The following PSMG4 variants were observed in gnomAD, a reference collection of about 807,000 sequenced individuals.
The protein encoded by PSMG4 is proteasome assembly chaperone 4, also known as proteasome (prosome, macropain) assembly chaperone 4.
Under a neutral mutation model 11.0 loss-of-function variants are expected in PSMG4, and 10 were observed. The observed-to-expected ratio is 0.91, with a 90% CI of 0.56 to 1.54. PSMG4 has a LOEUF of 1.54. Among genes scored for constraint, PSMG4 ranks in the 40% most tolerant of loss-of-function variants. The pLI is 0.00. For synonymous variants in PSMG4, 95 were observed against 71.3 expected, an observed-to-expected ratio of 1.33 and a Z score of -1.68; for missense variants, 198 against 160.9, an observed-to-expected ratio of 1.23 and a Z score of -1.25.
upstream of PSMG4, chr6:3,258,941 G>C (rs1757854698): frequency 1.7e-6 from 2 of 1,202,628 alleles, no homozygotes; most frequent in Admixed American, 8.5e-5. Flanking sequence ...CGGTCTCTCG[G>C]TGCTCGCTCC....
At chr6:3,263,591 A>G in intron 1 of PSMG4, 93 bp from the exon 2 acceptor site, 1 of 1,109,608 alleles carries the variant, frequency 9.0e-7, no homozygotes, top group Non-Finnish European at 1.2e-6. Flanking sequence ...TGCCACTGCC[A>G]TCGTCGTGAA....
chr6:3,260,283 A>AT (rs1561840875), intron 1 of PSMG4, among the ~76,000 whole-genome samples: 29 of 30,214 alleles, frequency 9.6e-4, no homozygotes, highest in South Asian at 6.0e-3. Flanking sequence ...AATTGTATAT[A>AT]TATATATATT....
rs1758089796 is a variant in PSMG4 at position 3,263,964 on chromosome 6, C to G, written c.250+205C>G. ...GCCTGTCATCACCACCGTCCCAGGGCTGGCCTGTTCCCAAAGGACTCCCAC... is the reference window on the plus strand; with the variant it reads ...GCCTGTCATCACCACCGTCCCAGGGGTGGCCTGTTCCCAAAGGACTCCCAC... On this transcript the variant is annotated intron_variant, in intron 2 of 2. Transcript: ENST00000438998. 3 of 1,358,786 alleles carry G rather than the reference C, an allele frequency of 2.2e-6. No individual in the cohort carries two copies. The Admixed American group carries it at 8.5e-5, about 38-fold the overall frequency. 84.2% of individuals were successfully genotyped at this position (1,358,786 alleles called of 1,614,324 possible).
intron 1 of PSMG4, among the ~76,000 whole-genome samples, chr6:3,261,110 A>T (rs936995718): frequency 6.6e-6 from 1 of 152,206 alleles, no homozygotes; most frequent in African/African-American, 2.4e-5. Context: ...TGAGGCAGTG[A>T]TGACTGAGGG....
rs551524367 is a variant in PSMG4 at position 3,264,594 on chromosome 6, C to T, written c.250+835C>T. 23 of 422,710 alleles carry T rather than the reference C, an allele frequency of 5.4e-5. No individual in the cohort carries two copies. The African/African-American group carries it at 6.7e-4, about 12-fold the overall frequency. 26.2% of individuals were successfully genotyped at this position (422,710 alleles called of 1,614,324 possible). A position where few individuals can be genotyped will look rare whatever the true frequency, so the allele number is the denominator to read the frequency against. ...TGGAGTGTCACCAGCAGGCCCATGA[C>T]AGTATGTGGATAGGACAGAGGTCAG... On this transcript the variant is annotated intron_variant, in intron 2 of 2. Coordinates refer to ENST00000438998, the MANE Select transcript of PSMG4 (RefSeq NM_001128591.2).
chr6:3,258,911 G>C, upstream of PSMG4: 2 of 1,084,282 alleles, frequency 1.8e-6, no homozygotes, highest in Non-Finnish European at 2.3e-6. Context: ...CCCTTCCGGG[G>C]CCGAAAGCGA....
chr6:3,259,228 C>CTGGGCG (rs1247035487), intron 1 of PSMG4, 32 bp downstream of exon 1: 7 of 1,101,792 alleles, frequency 6.4e-6, no homozygotes, highest in Non-Finnish European at 7.9e-6. Flanking sequence ...GTGCGGGCGG[C>CTGGGCG]GGGGCGGGGG....
chr6:3,255,567 C>T (rs1192897257), upstream of PSMG4, among the ~76,000 whole-genome samples: 2 of 152,182 alleles, frequency 1.3e-5, no homozygotes, highest in Admixed American at 6.5e-5. Context: ...GTTCTGTTTA[C>T]ATGAGATGGT....
chr6:3,267,291 T>C, intron 2 of PSMG4: 1 of 249,630 alleles, frequency 4.0e-6, no homozygotes. Flanking sequence ...AAATCCTGGC[T>C]TTCTGGGTCA....
intron 1 of PSMG4, among the ~76,000 whole-genome samples, chr6:3,259,705 A>AG (rs1561840437): frequency 6.6e-6 from 1 of 152,026 alleles, no homozygotes; most frequent in Admixed American, 6.6e-5. Context: ...GTTGTCTTTG[A>AG]TTCCTCTTTC....
intron 1 of PSMG4, among the ~76,000 whole-genome samples, chr6:3,259,756 T>C (rs1290675845): frequency 6.6e-6 from 1 of 152,098 alleles, no homozygotes; most frequent in Non-Finnish European, 1.5e-5. Flanking sequence ...CTGCCGCCAG[T>C]CAAAGCAGAC....
At chr6:3,255,069 T>TA (rs1757708140), upstream of PSMG4, 2 of 1,550,880 alleles carry the variant, frequency 1.3e-6, no homozygotes, top group Non-Finnish European at 8.7e-7. Flanking sequence ...ACACTTGGAA[T>TA]ATGCTTCTAT....
At chr6:3,266,544 C>G (rs1016241749) in intron 2 of PSMG4, 7 of 152,194 alleles carry the variant, frequency 4.6e-5, no homozygotes, top group African/African-American at 1.7e-4. Context: ...CAGGCAACAT[C>G]CAACTGCTTT....
At chr6:3,257,547 C>G (rs1333623532), upstream of PSMG4, among the ~76,000 whole-genome samples, 3 of 152,116 alleles carry the variant, frequency 2.0e-5, no homozygotes, top group Non-Finnish European at 4.4e-5. Context: ...TGTAGCCATA[C>G]AATGGAACAC....
chr6:3,264,932 T>C (rs1758125778), intron 2 of PSMG4: 1 of 152,326 alleles, frequency 6.6e-6, no homozygotes, highest in Non-Finnish European at 1.5e-5. Context: ...GGTTACTGCG[T>C]GTGGGAGAAG....
At chr6:3,255,250 G>T (rs1757719705), upstream of PSMG4, 9 of 1,548,100 alleles carry the variant, frequency 5.8e-6, no homozygotes, top group Non-Finnish European at 7.9e-6. Flanking sequence ...CATGCTGTTG[G>T]GTTCTGTGTT....
chr6:3,259,422 C>A (rs1472707079), intron 1 of PSMG4, among the ~76,000 whole-genome samples: 3 of 152,268 alleles, frequency 2.0e-5, no homozygotes, highest in Non-Finnish European at 4.4e-5. Context: ...CGCCCCGCAG[C>A]TGCGTCCCGC....
upstream of PSMG4, among the ~76,000 whole-genome samples, chr6:3,256,970 C>T (rs763488954): frequency 2.6e-5 from 4 of 151,822 alleles, no homozygotes; most frequent in Admixed American, 6.6e-5. Context: ...TTCCTGAGGA[C>T]GTGAAAGGAC....
At chr6:3,259,737 C>T (rs188585178) in intron 1 of PSMG4, among the ~76,000 whole-genome samples, 109 of 152,300 alleles carry the variant, frequency 7.2e-4, no homozygotes, top group African/African-American at 2.5e-3. Flanking sequence ...CGTGCTGAGT[C>T]CCTAGGCACT....
Sources: allele counts gnomAD v4.1 joint callset (sites outside exome capture counted in the v4.1 genomes callset), GRCh38; gene constraint gnomAD v4.1.1; transcripts MANE v1.5; gene names NCBI Gene and HGNC (gene_info 2026-07-23, HGNC 2026-07-21).